Variants in KLHL4 observed in about 807,000 individuals in gnomAD.
KLHL4 encodes kelch-like protein 4.
KLHL4 carries 17 observed loss-of-function variants against 45.8 expected under a neutral mutation model. That is an observed-to-expected ratio of 0.37 (90% CI 0.25 to 0.56). KLHL4 has a LOEUF of 0.56. Ranked by LOEUF, KLHL4 falls within the 20% of genes least tolerant of loss-of-function variation. The probability of loss-of-function intolerance (pLI) is 0.79; values close to 1 mark genes in which losing one functional copy is unlikely to be tolerated. For missense variants in KLHL4, 544 were observed against 544.9 expected, an observed-to-expected ratio of 1.00 and a Z score of 0.02; for synonymous variants, 224 against 189.9, an observed-to-expected ratio of 1.18 and a Z score of -1.47.
chrX:87,575,467 G>A lies in KLHL4; in HGVS notation c.423-38410G>A, dbSNP rs574552904. On this transcript the variant is annotated intron_variant, in intron 1 of 10. Coordinates refer to ENST00000373119, the MANE Select transcript of KLHL4 (RefSeq NM_019117.5). Reference sequence around the variant, plus strand: ...GTCTTCCACGAAACCAGTCCCTGGTGCCAAAAAGGTTGGGGACTGCTGGTA... The same window carrying A: ...GTCTTCCACGAAACCAGTCCCTGGTACCAAAAAGGTTGGGGACTGCTGGTA... 8.9e-5 allele frequency among the ~76,000 whole-genome samples: 10 copies of A among 111,835 alleles called. No homozygotes were observed. In the South Asian group the frequency reaches 3.7e-3, roughly 41 times the overall value.
intron 1 of KLHL4, among the ~76,000 whole-genome samples, chrX:87,526,930 G>A (rs1931122972): frequency 9.0e-6 from 1 of 111,447 alleles, no homozygotes; most frequent in Non-Finnish European, 1.9e-5. Context: ...TGAGGGAGAG[G>A]TTCCATTCAC....
intron 1 of KLHL4, among the ~76,000 whole-genome samples, chrX:87,600,079 G>A (rs1418976673): frequency 1.8e-5 from 2 of 111,657 alleles, no homozygotes; most frequent in African/African-American, 6.5e-5. Flanking sequence ...TGCTGGAGAT[G>A]GGGCCTAGTG....
chrX:87,590,647 A>T (rs1172238000), intron 1 of KLHL4, among the ~76,000 whole-genome samples: 4 of 111,830 alleles, frequency 3.6e-5, no homozygotes, highest in African/African-American at 1.3e-4. Flanking sequence ...CATATATATA[A>T]ACCAAAGGAA....
At chrX:87,628,460 A>G (rs887057780) in intron 6 of KLHL4, among the ~76,000 whole-genome samples, 1 of 112,404 alleles carries the variant, frequency 8.9e-6, no homozygotes, top group African/African-American at 3.2e-5. Flanking sequence ...GGCAGCATTT[A>G]TCTGTATAAA....
At chrX:87,648,469 A>T (rs1432070833) in intron 9 of KLHL4, among the ~76,000 whole-genome samples, 1 of 111,525 alleles carries the variant, frequency 9.0e-6, no homozygotes, top group Non-Finnish European at 1.9e-5. Context: ...AACAGAATTA[A>T]GGACCACAGT....
chrX:87,550,728 C>T (rs1443788222), intron 1 of KLHL4, among the ~76,000 whole-genome samples: 3 of 111,032 alleles, frequency 2.7e-5, no homozygotes, highest in Non-Finnish European at 5.7e-5. Flanking sequence ...TGTGATAAAC[C>T]ACATAAAAAG....
intron 9 of KLHL4, among the ~76,000 whole-genome samples, chrX:87,662,399 C>T (rs925154199): frequency 9.8e-5 from 11 of 111,749 alleles, no homozygotes; most frequent in African/African-American, 3.6e-4. Context: ...ATAAAAGGTA[C>T]TTAGACAACT....
intron 6 of KLHL4, among the ~76,000 whole-genome samples, chrX:87,630,123 ACT>A (rs1265226830): frequency 9.0e-6 from 1 of 111,652 alleles, no homozygotes; most frequent in East Asian, 2.8e-4. Context: ...GGAAGGAAAC[ACT>A]GTTTCCACTA....
intron 1 of KLHL4, among the ~76,000 whole-genome samples, chrX:87,548,845 G>GAAAAAAAAAAAAAAAAAAAAAGAAAA (rs58087826): frequency 1.2e-5 from 1 of 80,140 alleles, no homozygotes; most frequent in Admixed American, 1.5e-4. Context: ...AAGAAAGAAT[G>GAAAAAAAAAAAAAAAAAAAAAGAAAA]AAAAAAAAAA....
chrX:87,656,568 G>T, intron 9 of KLHL4, among the ~76,000 whole-genome samples: 1 of 106,188 alleles, frequency 9.4e-6, no homozygotes. Context: ...CTATCTCTTT[G>T]GCAAATTTAT....
At chrX:87,659,601 T>G (rs1290170150) in intron 9 of KLHL4, among the ~76,000 whole-genome samples, 1 of 111,544 alleles carries the variant, frequency 9.0e-6, no homozygotes, top group Non-Finnish European at 1.9e-5. Context: ...TTTTTTAACT[T>G]ATTTCCATTA....
chrX:87,667,508 A>ATAGT lies in KLHL4; in HGVS notation c.*977_*980dup, dbSNP rs1924411074. On this transcript the variant is annotated 3_prime_UTR_variant, in exon 11 of 11. Transcript: ENST00000373119. ...ATATTCAATAAGCCTGGTCAATTCTATAGTTATCTTTTTTGTACCAACACA... is the reference window on the plus strand; with the variant it reads ...ATATTCAATAAGCCTGGTCAATTCTATAGTTAGTTATCTTTTTTGTACCAACACA... 1 of 729,568 alleles carries ATAGT rather than the reference A, an allele frequency of 1.4e-6. No individual in the cohort carries two copies. Among genetic ancestry groups the ATAGT allele is most frequent in the African/African-American group, 2.3e-5 (1 of 42,564 alleles). 60.1% of individuals were successfully genotyped at this position (729,568 alleles called of 1,213,427 possible). A position where few individuals can be genotyped will look rare whatever the true frequency, so the allele number is the denominator to read the frequency against.
At chrX:87,648,890 C>T (rs1180466576) in intron 9 of KLHL4, among the ~76,000 whole-genome samples, 1 of 110,910 alleles carries the variant, frequency 9.0e-6, no homozygotes, top group Non-Finnish European at 1.9e-5. Context: ...TCAGATGATA[C>T]ATATTTGATT....
At chrX:87,636,892 C>T (rs1039220596) in intron 9 of KLHL4, among the ~76,000 whole-genome samples, 1 of 110,241 alleles carries the variant, frequency 9.1e-6, no homozygotes, top group Non-Finnish European at 1.9e-5. Flanking sequence ...TCTCTTTATG[C>T]GCTGGTAGCC....
In KLHL4 at chrX:87,614,419, A is replaced by G; in HGVS notation, c.591-15A>G. The G allele has an allele frequency of 8.4e-7, 1 of 1,197,252 alleles. No individual in the cohort carries two copies. The highest frequency in any genetic ancestry group is 1.7e-5 in the African/African-American group (1 of 57,374). Reference sequence around the variant, plus strand: ...TTGACTCATTTAAATTCCTACAAATATTTCCTATTTCCAGGTTGGTTCTCA... The same window carrying G: ...TTGACTCATTTAAATTCCTACAAATGTTTCCTATTTCCAGGTTGGTTCTCA... On this transcript the variant is annotated splice_polypyrimidine_tract_variant and intron_variant, in intron 2 of 10. Coordinates refer to ENST00000373119, the MANE Select transcript of KLHL4 (RefSeq NM_019117.5).
At chrX:87,589,035 A>G (rs1921574399) in intron 1 of KLHL4, among the ~76,000 whole-genome samples, 1 of 112,025 alleles carries the variant, frequency 8.9e-6, no homozygotes, top group African/African-American at 3.2e-5. Flanking sequence ...AAAAAAAGAC[A>G]AGAAACAGTT....
intron 9 of KLHL4, among the ~76,000 whole-genome samples, chrX:87,650,893 C>A (rs1043346973): frequency 9.0e-6 from 1 of 111,299 alleles, no homozygotes; most frequent in Non-Finnish European, 1.9e-5. Flanking sequence ...AAACAGAGAG[C>A]CAAGCAAAAT....
intron 1 of KLHL4, among the ~76,000 whole-genome samples, chrX:87,577,824 T>G (rs1921146256): frequency 9.0e-6 from 1 of 111,650 alleles, no homozygotes; most frequent in Non-Finnish European, 1.9e-5. Context: ...AGCATGTATG[T>G]CTTTATATTT....
chrX:87,590,630 A>T (rs927001479), intron 1 of KLHL4, among the ~76,000 whole-genome samples: 3 of 111,952 alleles, frequency 2.7e-5, no homozygotes, highest in African/African-American at 9.7e-5. Context: ...TGTTACTGGC[A>T]TAAAAGCATA....
Sources: gnomAD v4.1 joint callset for allele counts (sites outside exome capture counted in the v4.1 genomes callset) on GRCh38, gnomAD v4.1.1 for gene constraint, MANE v1.5 for transcripts, NCBI Gene and HGNC (gene_info 2026-07-23, HGNC 2026-07-21) for gene names.